Variants in PIN1 observed in about 807,000 individuals in gnomAD.
PIN1 encodes the protein peptidyl-prolyl cis-trans isomerase NIMA-interacting 1.
PIN1 carries 8 observed loss-of-function variants against 19.9 expected under a neutral mutation model. The observed-to-expected ratio is 0.40, with a 90% CI of 0.24 to 0.72. The LOEUF is 0.72. Ranked by LOEUF, PIN1 falls within the 30% of genes least tolerant of loss-of-function variation. The pLI, the probability that PIN1 is intolerant of heterozygous loss-of-function variation, is 0.37. For missense variants in PIN1, 185 were observed against 226.5 expected, an observed-to-expected ratio of 0.82 and a Z score of 1.18; for synonymous variants, 86 against 90.8, an observed-to-expected ratio of 0.95 and a Z score of 0.30.
At chr19:9,836,689 G>T in intron 1 of PIN1, 1 of 459,588 alleles carries the variant, frequency 2.2e-6, no homozygotes, top group Non-Finnish European at 4.0e-6. Context: ...CACTCCCTGG[G>T]TAACATCGGG....
In PIN1 at chr19:9,835,376, G is replaced by T; in HGVS notation, c.32G>T (p.Trp11Leu). 1.3e-6 allele frequency: 2 copies of T among 1,521,990 alleles called. No homozygotes were observed. The highest frequency in any genetic ancestry group is 8.8e-7 in the Non-Finnish European group (1 of 1,141,712). 94.3% of individuals were successfully genotyped at this position (1,521,990 alleles called of 1,614,324 possible). A position where few individuals can be genotyped will look rare whatever the true frequency, so the allele number is the denominator to read the frequency against. MADEEKLPPG[W>L]EKRMSRSSGR... Reference sequence around the variant, plus strand: ...GACGAGGAGAAGCTGCCGCCCGGCTGGGAGAAGCGCATGAGCCGCAGCTCA... The same window carrying T: ...GACGAGGAGAAGCTGCCGCCCGGCTTGGAGAAGCGCATGAGCCGCAGCTCA... Residue 11 changes from tryptophan to leucine, a missense_variant, in exon 1 of 4, where the codon TGG (tryptophan) becomes TTG (leucine). Trp to Leu is a moderately conservative substitution (Grantham distance 61). Transcript: ENST00000247970.
intron 2 of PIN1, among the ~76,000 whole-genome samples, chr19:9,843,207 T>TA (rs2046185929): frequency 6.6e-6 from 1 of 152,242 alleles, no homozygotes; most frequent in Non-Finnish European, 1.5e-5. Context: ...CCTACTCACA[T>TA]ACCCATCCCA....
rs1224314602 is a variant in PIN1 at position 9,849,226 on chromosome 19, G to A, written c.*27G>A. 2 of 1,503,420 alleles carry A rather than the reference G, an allele frequency of 1.3e-6. No homozygotes were observed. Among genetic ancestry groups the A allele is most frequent in the South Asian group, 2.3e-5 (2 of 86,720 alleles). 93.1% of individuals were successfully genotyped at this position (1,503,420 alleles called of 1,614,324 possible). A position where few individuals can be genotyped will look rare whatever the true frequency, so the allele number is the denominator to read the frequency against. On this transcript the variant is annotated 3_prime_UTR_variant, in exon 4 of 4. Transcript: ENST00000247970. Reference sequence around the variant, plus strand: ...GGTGGGGAGCCCAGGCCTGGCCTCGGGGCAGGGCAGGGCGGCTAGGCCGGC... The same window carrying A: ...GGTGGGGAGCCCAGGCCTGGCCTCGAGGCAGGGCAGGGCGGCTAGGCCGGC...
At chr19:9,839,008 G>A (rs1351046032) in intron 2 of PIN1, among the ~76,000 whole-genome samples, 1 of 152,184 alleles carries the variant, frequency 6.6e-6, no homozygotes, top group Non-Finnish European at 1.5e-5. Context: ...CCATTGTGAA[G>A]GTTCAAGGGA....
Position 9,838,461 on chromosome 19 carries a change from C to T in PIN1, c.84C>T (p.Ile28=). ...SSGRVYYFNH[I]TNASQWERPS... ...GCCGAGTGTACTACTTCAACCACAT[C>T]ACTAACGCCAGCCAGTGGGAGCGGC... Residue 28 remains isoleucine (I), a synonymous_variant, in exon 2 of 4, where the codon ATC becomes ATT. Coordinates refer to ENST00000247970, the MANE Select transcript of PIN1 (RefSeq NM_006221.4). This position sits in a 1 kb window ranked among gnomAD's most constrained non-coding sequence, Gnocchi z 5.8. 1 of 1,607,654 alleles carries T rather than the reference C, an allele frequency of 6.2e-7. No individual in the cohort carries two copies.
At chr19:9,836,815 T>C in intron 1 of PIN1, 3 of 1,286,446 alleles carry the variant, frequency 2.3e-6, no homozygotes, top group Non-Finnish European at 2.0e-6. Flanking sequence ...TGTGTGTGCC[T>C]GGAACAGAGT....
intron 2 of PIN1, among the ~76,000 whole-genome samples, chr19:9,847,127 C>G (rs945901757): frequency 1.3e-5 from 2 of 152,072 alleles, no homozygotes; most frequent in Non-Finnish European, 2.9e-5. Flanking sequence ...GGCACGTGCA[C>G]AAGACTGCAT....
chr19:9,847,401 C>T (rs1459662716), intron 2 of PIN1, among the ~76,000 whole-genome samples: 1 of 152,152 alleles, frequency 6.6e-6, no homozygotes, highest in Non-Finnish European at 1.5e-5. Context: ...GGTGGGGAGC[C>T]GGGAGAAGAG....
rs563423056 is a variant in PIN1, at chr19:9,842,209, G to A, written c.271+3561G>A. Among the ~76,000 whole-genome samples the A allele has an allele frequency of 3.3e-4, 50 of 152,242 alleles. 1 individual carries two copies. In the South Asian group the frequency reaches 8.9e-3, roughly 27 times the overall value. ...AGAAGAAGTGAGAGGGAGCAGACCCGAGAGAGATTCAGGAGGCAGGATAGA... is the reference window on the plus strand; with the variant it reads ...AGAAGAAGTGAGAGGGAGCAGACCCAAGAGAGATTCAGGAGGCAGGATAGA... On this transcript the variant is annotated intron_variant, in intron 2 of 3. Transcript: ENST00000247970.
At chr19:9,842,969 C>T (rs2145414395) in intron 2 of PIN1, among the ~76,000 whole-genome samples, 1 of 152,372 alleles carries the variant, frequency 6.6e-6, no homozygotes, top group South Asian at 2.1e-4. Context: ...GGGACCTCCA[C>T]ATTTTCTGCT....
intron 2 of PIN1, among the ~76,000 whole-genome samples, chr19:9,843,828 A>AC (rs1349674100): frequency 1.3e-5 from 2 of 152,128 alleles, no homozygotes; most frequent in Non-Finnish European, 2.9e-5. Flanking sequence ...TGGGTGGATC[A>AC]CCTGAGGTCA....
intron 2 of PIN1, among the ~76,000 whole-genome samples, chr19:9,839,827 C>T (rs116513353): frequency 2.6e-5 from 4 of 152,020 alleles, no homozygotes; most frequent in Non-Finnish European, 4.4e-5. Flanking sequence ...ATAGCAAAAC[C>T]CCGTCTCTAA....
At position 9,849,625 on chromosome 19, in the gene PIN1, T is replaced by C. The variant is rs755373011; in HGVS notation, c.*426T>C. On this transcript the variant is annotated 3_prime_UTR_variant, in exon 4 of 4. Coordinates refer to ENST00000247970, the MANE Select transcript of PIN1 (RefSeq NM_006221.4). ...GGTGAACACTCATGCGGCCCAGCCATGGGCCCTCTGAGCAACTGTGCAGCA... is the reference window on the plus strand; with the variant it reads ...GGTGAACACTCATGCGGCCCAGCCACGGGCCCTCTGAGCAACTGTGCAGCA... 6 of 526,784 alleles carry C rather than the reference T, an allele frequency of 1.1e-5. No homozygotes were observed. The highest frequency in any genetic ancestry group is 8.4e-5 in the South Asian group (6 of 71,614). 32.6% of individuals were successfully genotyped at this position (526,784 alleles called of 1,614,324 possible).
At chr19:9,848,853 C>A (rs1458750085) in intron 3 of PIN1, among the ~76,000 whole-genome samples, 1 of 152,184 alleles carries the variant, frequency 6.6e-6, no homozygotes, top group Non-Finnish European at 1.5e-5. Context: ...CGGCCGTAGC[C>A]CTGCCTGCTA....
At chr19:9,841,451 G>A (rs2046165353) in intron 2 of PIN1, among the ~76,000 whole-genome samples, 1 of 152,224 alleles carries the variant, frequency 6.6e-6, no homozygotes, top group African/African-American at 2.4e-5. Context: ...CCTAGGACTA[G>A]GATGTAGCCA....
In PIN1 at chr19:9,838,287, G is replaced by A; in HGVS notation, c.59-149G>A. The A allele has an allele frequency of 1.4e-6, 1 of 713,924 alleles. No individual in the cohort carries two copies. Among genetic ancestry groups the A allele is most frequent in the Non-Finnish European group, 2.6e-6 (1 of 387,944 alleles). The allele number at this position is 713,924 out of a possible 1,614,324, so 44.2% of individuals were successfully genotyped here. A position where few individuals can be genotyped will look rare whatever the true frequency, so the allele number is the denominator to read the frequency against. ...CCTGCCACATTGGCCCACGTCTGGA[G>A]AGCCTGTGGCACATGGTGGATACAC... On this transcript the variant is annotated intron_variant, in intron 1 of 3. Transcript: ENST00000247970. The surrounding 1 kb of genome is among the most constrained non-coding windows in gnomAD (Gnocchi z 5.8).
chr19:9,843,230 G>A (rs1341415831), intron 2 of PIN1, among the ~76,000 whole-genome samples: 2 of 152,256 alleles, frequency 1.3e-5, no homozygotes, highest in Admixed American at 6.5e-5. Flanking sequence ...ATCCAGGTCA[G>A]CCCCTTTGTC....
chr19:9,838,590 G>T lies in PIN1; in HGVS notation c.213G>T (p.Ser71=), dbSNP rs368009343. The T allele has an allele frequency of 1.9e-5, 30 of 1,558,524 alleles. No individual in the cohort carries two copies. The East Asian group carries it at 7.1e-4, about 37-fold the overall frequency. Residue 71 remains serine, a synonymous_variant, in exon 2 of 4, where the codon TCG becomes TCT. Coordinates refer to ENST00000247970, the MANE Select transcript of PIN1 (RefSeq NM_006221.4). The surrounding 1 kb of genome is among the most constrained non-coding windows in gnomAD (Gnocchi z 5.8). ...LVKHSQSRRP[S]SWRQEKITRT... is the part of the protein sequence containing the mutation. ...AGCACAGCCAGTCACGGCGGCCCTC[G>T]TCCTGGCGGCAGGAGAAGATCACCC...
intron 1 of PIN1, chr19:9,835,702 C>A: frequency 2.4e-6 from 1 of 421,280 alleles, no homozygotes; most frequent in Non-Finnish European, 4.2e-6. Flanking sequence ...GCACCTGACA[C>A]CCCGGGGGAC....
Sources: allele counts gnomAD v4.1 joint callset (sites outside exome capture counted in the v4.1 genomes callset), GRCh38; gene constraint gnomAD v4.1.1; non-coding constraint Gnocchi (gnomAD v3.1); transcripts MANE v1.5; gene names NCBI Gene and HGNC (gene_info 2026-07-23, HGNC 2026-07-21).